ACR: variants seen among roughly 807,000 people sequenced by gnomAD.
ACR encodes the protein acrosin.
In ACR, 17 loss-of-function variants were observed where a neutral mutation model predicts 26.0. The observed-to-expected ratio is 0.65, with a 90% CI of 0.45 to 0.98. ACR has a LOEUF of 0.98. ACR is among the 50% of genes least tolerant of loss of function. The probability of loss-of-function intolerance (pLI) is 0.00; values close to 1 mark genes in which losing one functional copy is unlikely to be tolerated. For synonymous variants in ACR, 199 were observed against 207.7 expected (o/e 0.96, Z 0.36); for missense variants, 435 against 519.3 (o/e 0.84, Z 1.58).
chr22:50,744,512 C>G, intron 4 of ACR, 141 bp from the exon 5 acceptor site: 2 of 1,334,328 alleles, frequency 1.5e-6, no homozygotes, highest in Non-Finnish European at 1.0e-6. Context: ...GACACCCCCT[C>G]AAACTTTACT....
chr22:50,740,600 A>G (rs1358873661), intron 3 of ACR: 2 of 702,550 alleles, frequency 2.8e-6, no homozygotes, highest in Non-Finnish European at 5.2e-6. Flanking sequence ...TCTGTGGGTC[A>G]TAGGCATCCC....
intron 3 of ACR, among the ~76,000 whole-genome samples, chr22:50,741,602 ACT>A (rs1322383664): frequency 6.7e-6 from 1 of 149,852 alleles, no homozygotes; most frequent in Non-Finnish European, 1.5e-5. Flanking sequence ...TAATAGGATC[ACT>A]CTGTTTCTGT....
chr22:50,740,463 C>T (rs2083420380), intron 3 of ACR: 1 of 627,138 alleles, frequency 1.6e-6, no homozygotes, highest in African/African-American at 1.8e-5. Context: ...TTCCTGCTTC[C>T]AGGCTGTCTT....
intron 3 of ACR, 196 bp downstream of exon 3, chr22:50,740,173 C>T (rs541875185): frequency 2.6e-5 from 19 of 742,714 alleles, no homozygotes; most frequent in Middle Eastern, 2.3e-4. Flanking sequence ...TGGCTGTCTA[C>T]GGGGGGGCTG....
In ACR at chr22:50,745,292, T is replaced by C. The variant is rs1262262416; in HGVS notation, c.*85T>C. 9.3e-7 allele frequency: 1 copy of C among 1,071,456 alleles called. No individual in the cohort carries two copies. Among genetic ancestry groups the C allele is most frequent in the Non-Finnish European group, 1.3e-6 (1 of 772,878 alleles). The allele number at this position is 1,071,456 out of a possible 1,614,324, so 66.4% of individuals were successfully genotyped here. A position where few individuals can be genotyped will look rare whatever the true frequency, so the allele number is the denominator to read the frequency against. ...AAATAAATAAATAAACATATATATA[T>C]AGATATACACACACACATATCTGTA... On this transcript the variant is annotated 3_prime_UTR_variant, in exon 5 of 5. Coordinates refer to ENST00000216139, the MANE Select transcript of ACR (RefSeq NM_001097.3).
rs368687098 is a variant in ACR, at chr22:50,742,507, G to A, written c.566-1554G>A. The stretch of plus-strand genomic sequence containing the variant: ...TGCAGTGAGCCGAGATGGCGCCACC[G>A]CACTCCAGCCTGGGCGACAGAGCAA... On this transcript the variant is annotated intron_variant, in intron 3 of 4. Transcript: ENST00000216139. Among the ~76,000 whole-genome samples, 47 of 146,730 alleles carry A rather than the reference G, an allele frequency of 3.2e-4. No homozygotes were observed. In the East Asian group the frequency reaches 9.0e-3, roughly 28 times the overall value.
At chr22:50,743,955 G>C (rs1157004147) in intron 3 of ACR, 106 bp from the exon 4 acceptor site, 1 of 871,526 alleles carries the variant, frequency 1.1e-6, no homozygotes, top group African/African-American at 1.7e-5. Context: ...GGATGGGTCT[G>C]AGGTTTAACT....
chr22:50,741,493 C>A (rs1384927652), intron 3 of ACR, among the ~76,000 whole-genome samples: 2 of 151,986 alleles, frequency 1.3e-5, no homozygotes, highest in East Asian at 1.9e-4. Context: ...CCACTGCCAA[C>A]CGTTGCTGTC....
chr22:50,743,989 C>T (rs1222880752), intron 3 of ACR, 72 bp from the exon 4 acceptor site: 13 of 1,108,008 alleles, frequency 1.2e-5, no homozygotes, highest in South Asian at 1.0e-4. Context: ...GGATGGGGTT[C>T]GGTGGGGCAA....
At chr22:50,742,136 CAA>C (rs1011695892) in intron 3 of ACR, among the ~76,000 whole-genome samples, 1 of 150,810 alleles carries the variant, frequency 6.6e-6, no homozygotes, top group Non-Finnish European at 1.5e-5. Context: ...AACTTCATCT[CAA>C]AAAAAACCCG....
At chr22:50,738,655 C>A (rs1052114030) in intron 1 of ACR, among the ~76,000 whole-genome samples, 1 of 151,560 alleles carries the variant, frequency 6.6e-6, no homozygotes, top group Non-Finnish European at 1.5e-5. Context: ...CATCGCTTCA[C>A]ACCGCTTGCA....
chr22:50,744,246 A>G, intron 4 of ACR, 40 bp downstream of exon 4: 1 of 1,554,628 alleles, frequency 6.4e-7, no homozygotes. Context: ...GGGTCCCTCC[A>G]GGACTCTCCC....
Position 50,739,437 on chromosome 22 carries a change from T to C in ACR, c.244T>C (p.Trp82Arg). The C allele has an allele frequency of 6.2e-7, 1 of 1,614,194 alleles. No individual in the cohort carries two copies. Among genetic ancestry groups the C allele is most frequent in the Non-Finnish European group, 8.5e-7 (1 of 1,180,024 alleles). Residue 82 changes from tryptophan to arginine, a missense_variant, in exon 2 of 5, where the codon TGG becomes CGG. By Grantham distance (101) the Trp-to-Arg change is moderately radical. Around this residue, in one of 3 missense-constraint regions of ACR, gnomAD observed 314 missense variants for 372.0 expected, o/e 0.84. Transcript: ENST00000216139. This position sits in a 1 kb window ranked among gnomAD's most constrained non-coding sequence, Gnocchi z 5.5. ...TGGAGGCAGCTTGCTGAATTCACGA[T>C]GGGTGCTCACTGCTGCTCACTGCTT... is the stretch of plus-strand genomic sequence containing the variant. Reference protein sequence around the residue: ...TCGGSLLNSRWVLTAAHCFVG... With the variant: ...TCGGSLLNSRRVLTAAHCFVG...
At chr22:50,740,467 C>G (rs2083420402) in intron 3 of ACR, 1 of 629,182 alleles carries the variant, frequency 1.6e-6, no homozygotes, top group African/African-American at 1.8e-5. Flanking sequence ...TGCTTCCAGG[C>G]TGTCTTTGTC....
chr22:50,739,929 G>C lies in ACR; in HGVS notation c.517G>C (p.Gly173Arg). 6.2e-7 allele frequency: 1 copy of C among 1,613,964 alleles called. No homozygotes were observed. The highest frequency in any genetic ancestry group is 8.5e-7 in the Non-Finnish European group (1 of 1,180,028). The change falls in exon 3 of 5, where the codon GGC (glycine) becomes CGC (arginine). Residue 173 changes from glycine to arginine, a missense_variant. Coordinates refer to ENST00000216139, the MANE Select transcript of ACR (RefSeq NM_001097.3). This position sits in a 1 kb window ranked among gnomAD's most constrained non-coding sequence, Gnocchi z 5.5. ...CCACTTTAAGGCAGGCCTCCCCAGAGGCTCCCAGAGCTGCTGGGTGGCCGG... is the reference window on the plus strand; with the variant it reads ...CCACTTTAAGGCAGGCCTCCCCAGACGCTCCCAGAGCTGCTGGGTGGCCGG... ...LPHFKAGLPR[G>R]SQSCWVAGWG...
Position 50,739,193 on chromosome 22 carries a change from T to C in ACR, c.78-78T>C. The stretch of plus-strand genomic sequence containing the variant: ...CCCACTTTTCCCAACCCCATGTCCC[T>C]GCCTCCCCTCAGTTGTGGAGTTACA... On this transcript the variant is annotated intron_variant, in intron 1 of 4. Coordinates refer to ENST00000216139, the MANE Select transcript of ACR (RefSeq NM_001097.3). This position sits in a 1 kb window ranked among gnomAD's most constrained non-coding sequence, Gnocchi z 5.5. The C allele has an allele frequency of 2.2e-6, 3 of 1,343,858 alleles. No homozygotes were observed. Among genetic ancestry groups the C allele is most frequent in the Non-Finnish European group, 3.1e-6 (3 of 966,428 alleles). 83.2% of individuals were successfully genotyped at this position (1,343,858 alleles called of 1,614,324 possible).
At chr22:50,742,687 A>G (rs1412242043) in intron 3 of ACR, among the ~76,000 whole-genome samples, 1 of 152,166 alleles carries the variant, frequency 6.6e-6, no homozygotes, top group African/African-American at 2.4e-5. Context: ...GTGGGGGCTA[A>G]GGGGATTAAA....
intron 3 of ACR, among the ~76,000 whole-genome samples, chr22:50,743,118 C>T (rs866250290): frequency 2.6e-5 from 4 of 151,484 alleles, no homozygotes; most frequent in African/African-American, 9.7e-5. Flanking sequence ...TCACTGCAAG[C>T]TCCGCCTCCC....
rs2083442983 is a variant in ACR, at chr22:50,744,907, T to C, written c.966T>C (p.Ala322=). ...CCCCCTTCTCCCACCCTATCTCTGC[T>C]CACCTTCCTTGGTATTTCCAACCGC... ...IRPPFSHPIS[A]HLPWYFQPPP... The change falls in exon 5 of 5, where the codon GCT becomes GCC. Residue 322 remains alanine, a synonymous_variant. Coordinates refer to ENST00000216139, the MANE Select transcript of ACR (RefSeq NM_001097.3). 1 of 1,549,482 alleles carries C rather than the reference T, an allele frequency of 6.5e-7. No homozygotes were observed. Among genetic ancestry groups the C allele is most frequent in the African/African-American group, 1.6e-5 (1 of 62,692 alleles).
Sources: allele counts gnomAD v4.1 joint callset (sites outside exome capture counted in the v4.1 genomes callset), GRCh38; gene constraint gnomAD v4.1.1; regional missense constraint gnomAD v4.1.1; non-coding constraint Gnocchi (gnomAD v3.1); transcripts MANE v1.5; gene names NCBI Gene and HGNC (gene_info 2026-07-23, HGNC 2026-07-21).